Variants in PHYHIPL observed in about 807,000 individuals in gnomAD.
PHYHIPL encodes phytanoyl-CoA 2-hydroxylase interacting protein like.
In PHYHIPL, 9 loss-of-function variants were observed where a neutral mutation model predicts 33.4. The ratio of observed to expected loss-of-function variants is 0.27; its 90% confidence interval spans 0.16 to 0.47. PHYHIPL has a LOEUF of 0.47. PHYHIPL is among the 20% of genes least tolerant of loss of function. The pLI, the probability that PHYHIPL is intolerant of heterozygous loss-of-function variation, is 0.99. For missense variants in PHYHIPL, 365 were observed against 460.7 expected, an observed-to-expected ratio of 0.79 and a Z score of 1.90; for synonymous variants, 153 against 154.1, an observed-to-expected ratio of 0.99 and a Z score of 0.05.
chr10:59,179,916 T>C (rs1486945867), intron 1 of PHYHIPL, among the ~76,000 whole-genome samples: 1 of 150,474 alleles, frequency 6.6e-6, no homozygotes, highest in Non-Finnish European at 1.5e-5. Context: ...CCTAGGCATG[T>C]GTACTTTGTT....
intron 1 of PHYHIPL, among the ~76,000 whole-genome samples, chr10:59,205,892 G>T (rs905004823): frequency 1.3e-5 from 2 of 152,104 alleles, no homozygotes; most frequent in Non-Finnish European, 1.5e-5. Flanking sequence ...AATACTACTT[G>T]TAAGTTTAGC....
At chr10:59,185,806 G>C (rs1244390749) in intron 1 of PHYHIPL, among the ~76,000 whole-genome samples, 1 of 152,096 alleles carries the variant, frequency 6.6e-6, no homozygotes, top group Non-Finnish European at 1.5e-5. Context: ...ACTTTTTGAT[G>C]GGGTTGTTTG....
intron 1 of PHYHIPL, among the ~76,000 whole-genome samples, chr10:59,179,471 T>G (rs976857986): frequency 6.6e-6 from 1 of 152,182 alleles, no homozygotes; most frequent in African/African-American, 2.4e-5. Context: ...TCTTTTAATC[T>G]ACTGTTAATT....
rs1362440195 is a variant in PHYHIPL at position 59,247,586 on chromosome 10, T to C, written c.*1995T>C. ...AATAAACTTTACTTTATATCATGGGTGAAAGTGATCATAACATTTCCTGAA... is the reference window on the plus strand; with the variant it reads ...AATAAACTTTACTTTATATCATGGGCGAAAGTGATCATAACATTTCCTGAA... On this transcript the variant is annotated 3_prime_UTR_variant, in exon 5 of 5. Coordinates refer to ENST00000373880, the MANE Select transcript of PHYHIPL (RefSeq NM_032439.4). The C allele has an allele frequency of 6.2e-7, 1 of 1,612,834 alleles. No homozygotes were observed. Among genetic ancestry groups the C allele is most frequent in the South Asian group, 1.1e-5 (1 of 90,918 alleles).
At chr10:59,223,082 T>C (rs1050818581) in intron 1 of PHYHIPL, among the ~76,000 whole-genome samples, 1 of 152,224 alleles carries the variant, frequency 6.6e-6, no homozygotes, top group African/African-American at 2.4e-5. Flanking sequence ...TGTGTACTTA[T>C]GTATGTGGGA....
chr10:59,185,739 G>A (rs1193169696), intron 1 of PHYHIPL, among the ~76,000 whole-genome samples: 1 of 152,164 alleles, frequency 6.6e-6, no homozygotes, highest in Non-Finnish European at 1.5e-5. Context: ...TTTTTCATGT[G>A]TCTGTTGGCT....
intron 1 of PHYHIPL, among the ~76,000 whole-genome samples, chr10:59,233,761 G>A (rs1840145660): frequency 6.6e-6 from 1 of 151,636 alleles, no homozygotes; most frequent in Admixed American, 6.6e-5. Context: ...AATTCATCAA[G>A]GTTCCACAGA....
At chr10:59,210,459 C>G (rs989857869) in intron 1 of PHYHIPL, among the ~76,000 whole-genome samples, 2 of 152,152 alleles carry the variant, frequency 1.3e-5, no homozygotes, top group Non-Finnish European at 1.5e-5. Flanking sequence ...GAAATAGGAA[C>G]GCTTTTACAC....
At chr10:59,183,600 A>C in intron 1 of PHYHIPL, 1 of 959,148 alleles carries the variant, frequency 1.0e-6, no homozygotes, top group Non-Finnish European at 1.2e-6. Context: ...TAAACAACAA[A>C]GATGAAATAA....
At chr10:59,177,417 T>A in intron 1 of PHYHIPL, 1 of 1,450,234 alleles carries the variant, frequency 6.9e-7, no homozygotes, top group African/African-American at 1.4e-5. Flanking sequence ...TTTTTAAACC[T>A]CCCATCCTCA....
chr10:59,183,733 T>C (rs1479868645), intron 1 of PHYHIPL: 4 of 950,704 alleles, frequency 4.2e-6, no homozygotes, highest in Non-Finnish European at 5.0e-6. Context: ...TGTTATGTTA[T>C]GACTATTTGA....
chr10:59,216,006 T>C (rs971176514), intron 1 of PHYHIPL, among the ~76,000 whole-genome samples: 2 of 152,062 alleles, frequency 1.3e-5, no homozygotes, highest in African/African-American at 2.4e-5. Flanking sequence ...TCAAGAGTTC[T>C]ATTTTAGATA....
intron 1 of PHYHIPL, among the ~76,000 whole-genome samples, chr10:59,215,251 A>T (rs933218488): frequency 6.6e-6 from 1 of 152,022 alleles, no homozygotes; most frequent in Non-Finnish European, 1.5e-5. Flanking sequence ...TCTACATTGA[A>T]TCTACAGAAA....
chr10:59,194,080 G>GTTTT (rs778292956), intron 1 of PHYHIPL, among the ~76,000 whole-genome samples: 16 of 111,472 alleles, frequency 1.4e-4, no homozygotes, highest in South Asian at 3.0e-4. Context: ...TTACCTATAT[G>GTTTT]TTTTTTTTTT....
Position 59,239,221 on chromosome 10 carries a change from AAAG to A in PHYHIPL, c.596+520_596+522del, listed in dbSNP as rs778684898. Among the ~76,000 whole-genome samples, 132 of 152,170 alleles carry A rather than the reference AAAG, an allele frequency of 8.7e-4. 3 individuals are homozygous for A. Among genetic ancestry groups the A allele is most frequent in the Non-Finnish European group, 1.3e-3 (91 of 67,964 alleles). ...CCCGAGATTGGGCAATTTAAAAAAG[AAAG>A]AAGTTTGTTGGACTTACAGTTCCAC... On this transcript the variant is annotated intron_variant, in intron 4 of 4. Transcript: ENST00000373880.
intron 1 of PHYHIPL, among the ~76,000 whole-genome samples, chr10:59,226,507 G>A (rs1476983855): frequency 6.6e-6 from 1 of 152,092 alleles, no homozygotes; most frequent in Non-Finnish European, 1.5e-5. Flanking sequence ...TTGTGGTGGT[G>A]GTGGTGGTGG....
rs78974041 is a variant in PHYHIPL at position 59,247,196 on chromosome 10, C to T, written c.*1605C>T. 2,941 of 162,460 alleles carry T rather than the reference C, an allele frequency of 0.018. 42 individuals are homozygous for T. The highest frequency in any genetic ancestry group is 0.029 in the Middle Eastern group (10 of 346). The allele number at this position is 162,460 out of a possible 1,614,324, so 10.1% of individuals were successfully genotyped here. ...GCTGTATTCCTTCCTACTTGAAAAG[C>T]GAATTTCTTTTCCTCCTATGATTGA... On this transcript the variant is annotated 3_prime_UTR_variant, in exon 5 of 5. Transcript: ENST00000373880.
chr10:59,173,930 T>G (rs922454497), upstream of PHYHIPL, among the ~76,000 whole-genome samples: 76 of 92,060 alleles, frequency 8.3e-4, no homozygotes, highest in Admixed American at 3.5e-3. Context: ...GGTTTTTTTT[T>G]TTTTTTTTTT....
chr10:59,178,504 C>A (rs534606554), intron 1 of PHYHIPL, among the ~76,000 whole-genome samples: 7 of 152,152 alleles, frequency 4.6e-5, no homozygotes, highest in Admixed American at 4.6e-4. Context: ...TGTAATGTAA[C>A]CATTGCAAGT....
Sources: gnomAD v4.1 joint callset for allele counts (sites outside exome capture counted in the v4.1 genomes callset) on GRCh38, gnomAD v4.1.1 for gene constraint, MANE v1.5 for transcripts, NCBI Gene and HGNC (gene_info 2026-07-23, HGNC 2026-07-21) for gene names.